The following DPAGT1 variants were observed in gnomAD, a reference collection of about 807,000 sequenced individuals.
The protein encoded by DPAGT1 is dolichyl-phosphate N-acetylglucosaminephosphotransferase 1, also known as UDP-N-acetylglucosamine--dolichyl-phosphate N-acetylglucosaminephosphotransferase.
Under a neutral mutation model 39.3 loss-of-function variants are expected in DPAGT1, and 25 were observed. The ratio of observed to expected loss-of-function variants is 0.64; its 90% CI spans 0.46 to 0.89. DPAGT1 has a LOEUF of 0.89. DPAGT1 is among the 40% of genes least tolerant of loss of function. The pLI, the probability that DPAGT1 is intolerant of heterozygous loss-of-function variation, is 0.00. For synonymous variants in DPAGT1, 193 were observed against 201.4 expected (o/e 0.96, Z 0.36); for missense variants, 381 against 500.6 (o/e 0.76, Z 2.28).
In DPAGT1 at chr11:119,101,092, G is replaced by A. The variant is rs190620777; in HGVS notation, c.208C>T (p.Leu70Phe). The A allele has an allele frequency of 3.0e-5, 48 of 1,614,188 alleles. No individual in the cohort carries two copies. Among genetic ancestry groups the A allele is most frequent in the African/African-American group, 1.3e-5 (1 of 75,034 alleles). Reference protein sequence around the residue: ...VISGAVFLIILFCFIPFPFLN... With the variant: ...VISGAVFLIIFFCFIPFPFLN... ...AAGGGGAAAGGGATGAAGCAGAAGA[G>A]GATGATAAGGAAAACAGCACCGCTG... is the stretch of plus-strand genomic sequence containing the variant. Residue 70 changes from leucine to phenylalanine, a missense_variant, in exon 2 of 9, where the codon CTC becomes TTC. Coordinates refer to ENST00000354202, the MANE Select transcript of DPAGT1 (RefSeq NM_001382.4).
chr11:119,095,353 C>T (rs1265441582), downstream of DPAGT1: 5 of 1,593,098 alleles, frequency 3.1e-6, no homozygotes, highest in African/African-American at 2.7e-5. Context: ...GCGACTTGGC[C>T]TTGGCGCGGG....
chr11:119,099,557 G>T (rs1362755612), intron 4 of DPAGT1, among the ~76,000 whole-genome samples: 1 of 151,912 alleles, frequency 6.6e-6, no homozygotes, highest in Non-Finnish European at 1.5e-5. Flanking sequence ...ACTTTGGGAG[G>T]CCTGGCAGAT....
At position 119,097,216 on chromosome 11, in the gene DPAGT1, G is replaced by C. The variant is rs1946413234; in HGVS notation, c.1087C>G (p.Leu363Val). ...GEFTECNNMT[L>V]INLLLKVLGP... ...AGGACTTTAAGTAGCAAGTTGATGA[G>C]GGTCATGTTGTTACATTCAGTGAAT... is the stretch of plus-strand genomic sequence containing the variant. Residue 363 changes from leucine to valine, a missense_variant, in exon 8 of 9, where the codon CTC becomes GTC. Transcript: ENST00000354202. The surrounding 1 kb of genome is among the most constrained non-coding windows in gnomAD (Gnocchi z 4.6). 1 of 1,614,174 alleles carries C rather than the reference G, an allele frequency of 6.2e-7. No homozygotes were observed. The highest frequency in any genetic ancestry group is 1.7e-5 in the Admixed American group (1 of 60,028).
At chr11:119,098,218 CT>C (rs1946434032) in intron 5 of DPAGT1, 175 bp from the exon 6 acceptor site, 3 of 1,078,526 alleles carry the variant, frequency 2.8e-6, no homozygotes, top group East Asian at 4.9e-5. Context: ...TTCCTGGGGC[CT>C]CCACGCACTC....
downstream of DPAGT1, chr11:119,094,957 G>A (rs1406663704): frequency 3.8e-6 from 6 of 1,593,608 alleles, no homozygotes; most frequent in African/African-American, 2.7e-5. Flanking sequence ...CGCGGCGCGG[G>A]CCCTCTTAGT....
Position 119,101,778 on chromosome 11 carries a change from C to T in DPAGT1, c.-123G>A. 1 of 1,558,730 alleles carries T rather than the reference C, an allele frequency of 6.4e-7. No homozygotes were observed. The highest frequency in any genetic ancestry group is 1.9e-5 in the Admixed American group (1 of 52,266). On this transcript the variant is annotated 5_prime_UTR_variant, in exon 1 of 9. Coordinates refer to ENST00000354202, the MANE Select transcript of DPAGT1 (RefSeq NM_001382.4). ...ACAGGCAGGCTCTTCCCACACCAATCTGAGCAAAACCCAGCAACTCTGACT... is the reference window on the plus strand; with the variant it reads ...ACAGGCAGGCTCTTCCCACACCAATTTGAGCAAAACCCAGCAACTCTGACT...
At position 119,097,934 on chromosome 11, in the gene DPAGT1, T is replaced by C. The variant is rs1167164565; in HGVS notation, c.838A>G (p.Met280Val). ...TAGAGGAAGTTGAACACCTGGGGCATGAAGAATAGTAGCATGGTCTTGCTG... is the reference window on the plus strand; with the variant it reads ...TAGAGGAAGTTGAACACCTGGGGCACGAAGAATAGTAGCATGGTCTTGCTG... ...HFSKTMLLFF[M>V]PQVFNFLYSL... The change falls in exon 6 of 9, where the codon ATG (methionine) becomes GTG (valine). Residue 280 changes from methionine to valine, a missense_variant. Transcript: ENST00000354202. The surrounding 1 kb of genome is among the most constrained non-coding windows in gnomAD (Gnocchi z 4.6). 1 of 1,614,128 alleles carries C rather than the reference T, an allele frequency of 6.2e-7. No homozygotes were observed. The highest frequency in any genetic ancestry group is 8.5e-7 in the Non-Finnish European group (1 of 1,180,020).
Position 119,100,623 on chromosome 11 carries a change from T to C in DPAGT1, c.496+7A>G. ...GCCATAGGGGCAGCAGTGGTAGGAC[T>C]ACCTACCCAAGTCCAGATGCAGGCC... On this transcript the variant is annotated splice_region_variant and intron_variant, in intron 3 of 8. Transcript: ENST00000354202. 6.2e-7 allele frequency: 1 copy of C among 1,613,920 alleles called. No individual in the cohort carries two copies. Among genetic ancestry groups the C allele is most frequent in the Non-Finnish European group, 8.5e-7 (1 of 1,179,912 alleles).
rs112355069 is a variant in DPAGT1 at position 119,101,050 on chromosome 11, T to G, written c.250A>C (p.Lys84Gln). ...TGGGGGAATGCCTTACACTGCTCCTTCACAAAGCAGTTCAGGAAGGGGAAA... is the reference window on the plus strand; with the variant it reads ...TGGGGGAATGCCTTACACTGCTCCTGCACAAAGCAGTTCAGGAAGGGGAAA... ...IPFPFLNCFV[K>Q]EQCKAFPHHE... The change falls in exon 2 of 9, where the codon AAG (lysine) becomes CAG (glutamine). Residue 84 changes from lysine (K) to glutamine (Q), a missense_variant. Lys to Gln is a moderately conservative substitution (Grantham distance 53). Transcript: ENST00000354202. 1.3e-4 allele frequency: 217 copies of G among 1,614,048 alleles called. 1 individual carries two copies. In the Middle Eastern group the frequency reaches 3.8e-3, roughly 28 times the overall value.
At chr11:119,099,810 G>A (rs1946463790) in intron 4 of DPAGT1, among the ~76,000 whole-genome samples, 1 of 148,964 alleles carries the variant, frequency 6.7e-6, no homozygotes, top group East Asian at 2.0e-4. Context: ...AAAAAAAGAA[G>A]TGGTAGGAAC....
Position 119,097,156 on chromosome 11 carries a change from G to C in DPAGT1, c.1147C>G (p.Leu383Val). 1 of 1,614,194 alleles carries C rather than the reference G, an allele frequency of 6.2e-7. No individual in the cohort carries two copies. The highest frequency in any genetic ancestry group is 8.5e-7 in the Non-Finnish European group (1 of 1,180,030). ...PIHERNLTLL[L>V]LLLQILGSAI... Reference sequence around the variant, plus strand: ...CCCATCCTCACCTGCAGCAGCAGCAGGAGCAATGTGAGGTTTCTCTCATGT... The same window carrying C: ...CCCATCCTCACCTGCAGCAGCAGCACGAGCAATGTGAGGTTTCTCTCATGT... Residue 383 changes from leucine to valine, a missense_variant, in exon 8 of 9, where the codon CTG becomes GTG. Physicochemically the swap from Leu to Val is conservative, Grantham distance 32. Coordinates refer to ENST00000354202, the MANE Select transcript of DPAGT1 (RefSeq NM_001382.4). The surrounding 1 kb of genome is among the most constrained non-coding windows in gnomAD (Gnocchi z 4.6).
In DPAGT1 at chr11:119,096,628, C is replaced by A; in HGVS notation, c.*370G>T. ...ACATGTCACCGTGGAGCCTGTGTTC[C>A]TAGCCCTGGCCCAAGTTCTATCCCA... On this transcript the variant is annotated 3_prime_UTR_variant, in exon 9 of 9. Coordinates refer to ENST00000354202, the MANE Select transcript of DPAGT1 (RefSeq NM_001382.4). 1 of 387,274 alleles carries A rather than the reference C, an allele frequency of 2.6e-6. No individual in the cohort carries two copies. The highest frequency in any genetic ancestry group is 4.8e-6 in the Non-Finnish European group (1 of 207,950). The allele number at this position is 387,274 out of a possible 1,614,324, so 24.0% of individuals were successfully genotyped here. A position where few individuals can be genotyped will look rare whatever the true frequency, so the allele number is the denominator to read the frequency against.
rs777559745 is a variant in DPAGT1 at position 119,098,203 on chromosome 11, A to G, written c.729-160T>C. ...CTGCAGGATCCAAGGCCCTGAATTCATCTATTCCTGGGGCCTCCACGCACT... is the reference window on the plus strand; with the variant it reads ...CTGCAGGATCCAAGGCCCTGAATTCGTCTATTCCTGGGGCCTCCACGCACT... On this transcript the variant is annotated intron_variant, in intron 5 of 8. Transcript: ENST00000354202. 3 of 1,155,708 alleles carry G rather than the reference A, an allele frequency of 2.6e-6. No homozygotes were observed. In the African/African-American group the frequency reaches 4.6e-5, roughly 18 times the overall value. 71.6% of individuals were successfully genotyped at this position (1,155,708 alleles called of 1,614,324 possible). A position where few individuals can be genotyped will look rare whatever the true frequency, so the allele number is the denominator to read the frequency against.
rs759905343 is a variant in DPAGT1 at position 119,100,633 on chromosome 11, A to G, written c.493T>C (p.Leu165=). Residue 165 remains leucine (L), a synonymous_variant, in exon 3 of 9, where the codon TTG becomes CTG. Transcript: ENST00000354202. Reference sequence around the variant, plus strand: ...CAGCAGTGGTAGGACTACCTACCCAAGTCCAGATGCAGGCCAAGTATCGGG... The same window carrying G: ...CAGCAGTGGTAGGACTACCTACCCAGGTCCAGATGCAGGCCAAGTATCGGG... ...FRPILGLHLD[L]GILYYVYMGL... 2 of 1,614,002 alleles carry G rather than the reference A, an allele frequency of 1.2e-6. No homozygotes were observed. Among genetic ancestry groups the G allele is most frequent in the African/African-American group, 2.7e-5 (2 of 74,944 alleles).
At chr11:119,100,033 G>A (rs1178447723) in intron 4 of DPAGT1, among the ~76,000 whole-genome samples, 2 of 152,184 alleles carry the variant, frequency 1.3e-5, no homozygotes, top group African/African-American at 4.8e-5. Context: ...TTCAATGGGA[G>A]AAGATCATGG....
rs1565763000 is a variant in DPAGT1 at position 119,097,555 on chromosome 11, CG to C, written c.918-5del. 1 of 1,614,060 alleles carries C rather than the reference CG, an allele frequency of 6.2e-7. No homozygotes were observed. The highest frequency in any genetic ancestry group is 8.5e-7 in the Non-Finnish European group (1 of 1,179,986). ...TTTGCCTGTCTTGATATTGAGTCTG[CG>C]GGGGGAAGATAGCTTCATGTGACTG... On this transcript the variant is annotated splice_region_variant and splice_polypyrimidine_tract_variant and intron_variant, in intron 6 of 8. Transcript: ENST00000354202. The surrounding 1 kb of genome is among the most constrained non-coding windows in gnomAD (Gnocchi z 4.6).
rs1478596299 is a variant in DPAGT1 at position 119,101,425 on chromosome 11, T to C, written c.161+70A>G. The C allele has an allele frequency of 5.0e-6, 8 of 1,611,868 alleles. No homozygotes were observed. The African/African-American group carries it at 1.1e-4, about 22-fold the overall frequency. On this transcript the variant is annotated intron_variant, in intron 1 of 8. Transcript: ENST00000354202. The stretch of plus-strand genomic sequence containing the variant: ...TTCACGTGTGGTCAAGCACCCCGGT[T>C]CCCGCCCCTGCCCTAGCCACTCCTT...
downstream of DPAGT1, chr11:119,094,763 C>T (rs899789013): frequency 2.1e-5 from 12 of 567,574 alleles, no homozygotes; most frequent in Non-Finnish European, 2.9e-5. Context: ...GCAGGCGGTG[C>T]GGGACGGGAG....
At chr11:119,095,652 G>C (rs191021870), downstream of DPAGT1, among the ~76,000 whole-genome samples, 5 of 152,202 alleles carry the variant, frequency 3.3e-5, no homozygotes, top group Non-Finnish European at 5.9e-5. Flanking sequence ...GGGGAGAAAA[G>C]GCGAGGAGGA....
Sources: gnomAD v4.1 joint callset for allele counts (sites outside exome capture counted in the v4.1 genomes callset) on GRCh38, gnomAD v4.1.1 for gene constraint, Gnocchi (gnomAD v3.1) non-coding constraint, MANE v1.5 for transcripts, NCBI Gene and HGNC (gene_info 2026-07-23, HGNC 2026-07-21) for gene names.